The following CASK variants were observed in gnomAD, a reference collection of about 807,000 sequenced individuals.
The protein encoded by CASK is calcium/calmodulin dependent serine protein kinase.
A neutral mutation model predicts 82.9 loss-of-function variants in CASK; 4 were observed. The observed-to-expected ratio is 0.05, with a 90% CI of 0.02 to 0.11. The LOEUF is 0.11. Among genes scored for constraint, CASK ranks in the 10% least tolerant of loss-of-function variants. CASK has a pLI of 1.00. For synonymous variants in CASK, 259 were observed against 253.5 expected (o/e 1.02, Z -0.20); for missense variants, 358 against 720.9 (o/e 0.50, Z 5.76).
intron 1 of CASK, among the ~76,000 whole-genome samples, chrX:41,874,558 C>T (rs946312497): frequency 7.1e-5 from 8 of 111,901 alleles, no homozygotes; most frequent in African/African-American, 2.6e-4. Context: ...TTTCTTTATC[C>T]AGATATCAGA....
intron 1 of CASK, among the ~76,000 whole-genome samples, chrX:41,868,971 A>G (rs948590394): frequency 1.2e-4 from 13 of 111,881 alleles, no homozygotes; most frequent in Admixed American, 6.6e-4. Context: ...TCCAATGATC[A>G]TGAAATAGAT....
At chrX:41,890,430 G>A (rs1410076879) in intron 1 of CASK, among the ~76,000 whole-genome samples, 2 of 110,715 alleles carry the variant, frequency 1.8e-5, no homozygotes, top group African/African-American at 6.6e-5. Flanking sequence ...AAAAAAAACA[G>A]CACATTATTT....
chrX:41,813,472 A>G (rs1307873088), intron 2 of CASK, among the ~76,000 whole-genome samples: 1 of 111,502 alleles, frequency 9.0e-6, no homozygotes, highest in Admixed American at 9.5e-5. Flanking sequence ...GACAAACCTG[A>G]CAAAAACAAG....
At chrX:41,726,867 C>T (rs1408318829) in intron 5 of CASK, 16 of 338,143 alleles carry the variant, frequency 4.7e-5, no homozygotes, top group South Asian at 3.4e-4. Context: ...TATACTTTCC[C>T]GTTCCATCCA....
chrX:41,776,196 C>A (rs1214190639), intron 3 of CASK, among the ~76,000 whole-genome samples: 2 of 112,045 alleles, frequency 1.8e-5, no homozygotes, highest in Non-Finnish European at 3.8e-5. Context: ...TTGTTTATAG[C>A]AGCATCACCA....
chrX:41,746,891 C>T (rs185149470), intron 3 of CASK, among the ~76,000 whole-genome samples: 408 of 111,666 alleles, frequency 3.7e-3, no homozygotes, highest in Non-Finnish European at 6.1e-3. Flanking sequence ...GGGACAAGAT[C>T]GAAATCTCTG....
At chrX:41,701,248 A>G (rs1333759322) in intron 5 of CASK, among the ~76,000 whole-genome samples, 2 of 112,161 alleles carry the variant, frequency 1.8e-5, no homozygotes, top group Non-Finnish European at 3.8e-5. Flanking sequence ...AAAAATGACT[A>G]GTTCATCTGT....
chrX:41,546,412 A>G (rs960739230), intron 21 of CASK, among the ~76,000 whole-genome samples: 4 of 110,491 alleles, frequency 3.6e-5, no homozygotes, highest in Non-Finnish European at 7.6e-5. Context: ...ACCCGGTCTC[A>G]ATAAATTTTA....
intron 1 of CASK, among the ~76,000 whole-genome samples, chrX:41,863,034 G>A (rs2071523298): frequency 8.9e-6 from 1 of 112,020 alleles, no homozygotes; most frequent in African/African-American, 3.2e-5. Flanking sequence ...TTCAAGGAAC[G>A]GGTCATGATA....
Position 41,846,946 on chromosome X carries a change from T to C in CASK, c.172+6169A>G, listed in dbSNP as rs778284285. On this transcript the variant is annotated intron_variant, in intron 2 of 26. Transcript: ENST00000378163. ...TTTCAGCACTTTGAATGTTATCCTG[T>C]TGCCTTTCAGTATCCTTGGTTTTTG... Among the ~76,000 whole-genome samples the C allele has an allele frequency of 4.5e-5, 5 of 111,586 alleles. No homozygotes were observed. The Admixed American group carries it at 4.7e-4, about 11-fold the overall frequency.
rs780489625 is a variant in CASK at position 41,621,702 on chromosome X, TATACTATAAG to T, written c.1033+905_1033+914del. 2.7e-5 allele frequency among the ~76,000 whole-genome samples: 3 copies of T among 112,291 alleles called. No individual in the cohort carries two copies. In the South Asian group the frequency reaches 1.1e-3, roughly 41 times the overall value. The stretch of plus-strand genomic sequence containing the variant: ...TCATTACCCAACAATAGGTAACTAA[TATACTATAAG>T]ATTTATATTAAATCAGCTGCAATTT... On this transcript the variant is annotated intron_variant, in intron 11 of 26. Coordinates refer to ENST00000378163, the MANE Select transcript of CASK (RefSeq NM_001367721.1).
intron 4 of CASK, among the ~76,000 whole-genome samples, chrX:41,742,781 A>G (rs1443051793): frequency 8.9e-6 from 1 of 111,778 alleles, no homozygotes; most frequent in Non-Finnish European, 1.9e-5. Context: ...ATGGTCATTG[A>G]TCCTCTGCAA....
At chrX:41,691,766 G>T (rs1471776457) in intron 5 of CASK, among the ~76,000 whole-genome samples, 1 of 104,735 alleles carries the variant, frequency 9.5e-6, no homozygotes, top group East Asian at 3.0e-4. Context: ...GCTTGAACTC[G>T]GGAGGCGGAG....
chrX:41,527,967 A>G (rs1468425418), intron 25 of CASK, among the ~76,000 whole-genome samples: 4 of 112,604 alleles, frequency 3.6e-5, no homozygotes, highest in Non-Finnish European at 5.6e-5. Context: ...TTAAGAAAAA[A>G]TGAGGCTTTA....
chrX:41,716,255 T>C (rs994264225), intron 5 of CASK, among the ~76,000 whole-genome samples: 11 of 112,192 alleles, frequency 9.8e-5, no homozygotes, highest in Admixed American at 1.9e-4. Context: ...TGTTCAGCAA[T>C]GGGCAGAGAG....
chrX:41,850,370 C>A (rs1004508521), intron 2 of CASK, among the ~76,000 whole-genome samples: 1 of 110,265 alleles, frequency 9.1e-6, no homozygotes. Context: ...CTTAGATAAC[C>A]CTTTAAAGAC....
chrX:41,816,521 T>C (rs1317956144), intron 2 of CASK, among the ~76,000 whole-genome samples: 3 of 106,306 alleles, frequency 2.8e-5, no homozygotes, highest in Admixed American at 1.0e-4. Context: ...TTGAAATAAA[T>C]AGAATAGGAA....
At chrX:41,609,712 C>A (rs1037801055) in intron 12 of CASK, among the ~76,000 whole-genome samples, 192 bp downstream of exon 12, 2 of 109,618 alleles carry the variant, frequency 1.8e-5, no homozygotes, top group African/African-American at 6.7e-5. Context: ...GCATGCGCCA[C>A]CACACCTGGC....
chrX:41,721,619 A>AAC (rs2068169197), intron 5 of CASK, among the ~76,000 whole-genome samples: 1 of 112,090 alleles, frequency 8.9e-6, no homozygotes, highest in South Asian at 3.7e-4. Flanking sequence ...CTGCTAGAAC[A>AAC]ACCAATAATT....
Sources: gnomAD v4.1 joint callset for allele counts (sites outside exome capture counted in the v4.1 genomes callset) on GRCh38, gnomAD v4.1.1 for gene constraint, MANE v1.5 for transcripts, NCBI Gene and HGNC (gene_info 2026-07-23, HGNC 2026-07-21) for gene names.